TANGO6: variants seen among roughly 807,000 people sequenced by gnomAD.
TANGO6 encodes the protein transport and golgi organization 6 homolog, also known as transport and Golgi organization protein 6 homolog.
In TANGO6, 90 loss-of-function variants were observed where a neutral mutation model predicts 114.2. That is an observed-to-expected ratio of 0.79 (90% CI 0.66 to 0.94). The LOEUF (loss-of-function observed/expected upper bound fraction) is 0.94, where lower values mean the gene tolerates loss of function less well. Ranked by LOEUF, TANGO6 falls within the 40% of genes least tolerant of loss-of-function variation. The pLI is 0.00. For missense variants in TANGO6, 1,274 were observed against 1,315.3 expected, an observed-to-expected ratio of 0.97 and a Z score of 0.49; for synonymous variants, 477 against 509.8, an observed-to-expected ratio of 0.94 and a Z score of 0.87.
intron 1 of TANGO6, among the ~76,000 whole-genome samples, chr16:68,849,546 G>T (rs1183298738): frequency 2.0e-5 from 3 of 151,926 alleles, no homozygotes; most frequent in African/African-American, 7.3e-5. Context: ...TGTGGTCCCC[G>T]ATGCTTTGGA....
intron 17 of TANGO6, among the ~76,000 whole-genome samples, chr16:69,062,006 C>T (rs532782996): frequency 6.6e-6 from 1 of 151,862 alleles, no homozygotes; most frequent in Admixed American, 6.6e-5. Flanking sequence ...GGCGACAGAG[C>T]GAGACTCCAT....
chr16:68,959,025 G>C (rs538742862), intron 14 of TANGO6, among the ~76,000 whole-genome samples: 10 of 152,326 alleles, frequency 6.6e-5, no homozygotes, highest in African/African-American at 2.4e-4. Context: ...CCCCTGTGTA[G>C]AACCCTACAG....
intron 1 of TANGO6, among the ~76,000 whole-genome samples, chr16:68,849,792 T>C (rs1961872500): frequency 6.6e-6 from 1 of 152,154 alleles, no homozygotes; most frequent in East Asian, 1.9e-4. Context: ...CCAATTGAAA[T>C]GAAATAGAAT....
Position 69,083,748 on chromosome 16 carries a change from C to T in TANGO6, c.*87C>T, listed in dbSNP as rs1960500678. The stretch of plus-strand genomic sequence containing the variant: ...CTTCCAGCAGGTGGCCCTGCTGCCT[C>T]TTGAGTGCTGGCAGCATGGCTGACC... On this transcript the variant is annotated 3_prime_UTR_variant, in exon 18 of 18. Transcript: ENST00000261778. 5 of 1,418,084 alleles carry T rather than the reference C, an allele frequency of 3.5e-6. No individual in the cohort carries two copies. The highest frequency in any genetic ancestry group is 4.7e-6 in the Non-Finnish European group (5 of 1,056,426). The allele number at this position is 1,418,084 out of a possible 1,614,324, so 87.8% of individuals were successfully genotyped here. A position where few individuals can be genotyped will look rare whatever the true frequency, so the allele number is the denominator to read the frequency against.
chr16:68,992,775 A>G (rs1296203396), intron 15 of TANGO6, among the ~76,000 whole-genome samples: 1 of 152,188 alleles, frequency 6.6e-6, no homozygotes, highest in Non-Finnish European at 1.5e-5. Flanking sequence ...TATGTTAAAA[A>G]AGCAGAAATC....
chr16:68,980,904 A>G (rs1963829636), intron 15 of TANGO6, among the ~76,000 whole-genome samples: 1 of 151,930 alleles, frequency 6.6e-6, no homozygotes, highest in Non-Finnish European at 1.5e-5. Flanking sequence ...CTGACGCAGG[A>G]GAATCTCTTG....
rs1962398457 is a variant in TANGO6, at chr16:68,878,154, G to A, written c.1168G>A (p.Ala390Thr). The A allele has an allele frequency of 6.2e-7, 1 of 1,610,856 alleles. No homozygotes were observed. Among genetic ancestry groups the A allele is most frequent in the Non-Finnish European group, 8.5e-7 (1 of 1,178,938 alleles). ...ATTTCACTTTCAAGATAAATTGACA[G>A]CACGACAATTTCAGAGAGTTGCCAC... ...DLFHFQDKLT[A>T]RQFQRVATTT... The change falls in exon 6 of 18, where the codon GCA (alanine) becomes ACA (threonine). Residue 390 changes from alanine to threonine, a missense_variant. Transcript: ENST00000261778.
intron 15 of TANGO6, among the ~76,000 whole-genome samples, chr16:68,981,685 C>T (rs543767505): frequency 1.3e-5 from 2 of 152,194 alleles, no homozygotes; most frequent in African/African-American, 4.8e-5. Flanking sequence ...TTTCCTTTTG[C>T]GATTGCCTAG....
intron 1 of TANGO6, among the ~76,000 whole-genome samples, chr16:68,857,359 G>T: frequency 1.3e-5 from 2 of 150,684 alleles, no homozygotes; most frequent in South Asian, 4.2e-4. Context: ...TTAATATTCT[G>T]TTGTCTGAGT....
intron 15 of TANGO6, among the ~76,000 whole-genome samples, chr16:69,016,489 T>C (rs2152226025): frequency 6.6e-6 from 1 of 152,316 alleles, no homozygotes; most frequent in East Asian, 1.9e-4. Context: ...GTTCCTTCTT[T>C]TATTGGATAA....
intron 17 of TANGO6, among the ~76,000 whole-genome samples, chr16:69,069,803 A>G (rs1302291362): frequency 1.3e-5 from 2 of 152,172 alleles, no homozygotes; most frequent in Non-Finnish European, 2.9e-5. Context: ...TACAACTGTT[A>G]CAAGGAAAGG....
intron 17 of TANGO6, among the ~76,000 whole-genome samples, chr16:69,057,764 G>GA (rs1960055688): frequency 6.6e-6 from 1 of 152,194 alleles, no homozygotes; most frequent in Admixed American, 6.6e-5. Flanking sequence ...ACAGTGATGG[G>GA]AAAGTGTTCA....
intron 3 of TANGO6, among the ~76,000 whole-genome samples, chr16:68,864,388 A>T (rs1157163599): frequency 6.6e-6 from 1 of 152,064 alleles, no homozygotes; most frequent in Admixed American, 6.6e-5. Context: ...AACGTGGGCA[A>T]CATAGCAAGA....
intron 7 of TANGO6, among the ~76,000 whole-genome samples, chr16:68,897,549 A>G (rs1962722061): frequency 6.6e-6 from 1 of 152,058 alleles, no homozygotes; most frequent in African/African-American, 2.4e-5. Context: ...ATAGAAAAGT[A>G]TAAGGAAGAA....
intron 17 of TANGO6, among the ~76,000 whole-genome samples, chr16:69,067,143 C>A (rs1380889287): frequency 6.6e-6 from 1 of 152,182 alleles, no homozygotes; most frequent in Non-Finnish European, 1.5e-5. Flanking sequence ...GCAATCCTCT[C>A]ACCTTTACCT....
intron 7 of TANGO6, among the ~76,000 whole-genome samples, chr16:68,896,568 C>CA (rs1186796101): frequency 1.3e-5 from 2 of 152,050 alleles, no homozygotes; most frequent in Non-Finnish European, 2.9e-5. Context: ...ACCTCAGCCT[C>CA]AAAGTGCTGG....
intron 17 of TANGO6, among the ~76,000 whole-genome samples, chr16:69,051,163 T>C (rs1410268854): frequency 6.6e-6 from 1 of 152,190 alleles, no homozygotes; most frequent in African/African-American, 2.4e-5. Flanking sequence ...AACAATAGTT[T>C]TACAAAGCTT....
At chr16:68,869,651 G>T (rs886201014) in intron 4 of TANGO6, among the ~76,000 whole-genome samples, 2 of 152,154 alleles carry the variant, frequency 1.3e-5, no homozygotes, top group African/African-American at 4.8e-5. Context: ...TTTTTTGTGT[G>T]TTCAGTCTCT....
chr16:69,078,379 G>A (rs1002110711), intron 17 of TANGO6, among the ~76,000 whole-genome samples: 6 of 152,208 alleles, frequency 3.9e-5, no homozygotes, highest in Non-Finnish European at 7.3e-5. Context: ...TCCAAGACAC[G>A]TGGTGCTAGA....
Sources: allele counts gnomAD v4.1 joint callset (sites outside exome capture counted in the v4.1 genomes callset), GRCh38; gene constraint gnomAD v4.1.1; transcripts MANE v1.5; gene names NCBI Gene and HGNC (gene_info 2026-07-23, HGNC 2026-07-21).